Variants in CNTN6 observed in about 807,000 individuals in gnomAD.
CNTN6 encodes contactin-6.
Under a neutral mutation model 122.8 loss-of-function variants are expected in CNTN6, and 137 were observed. That is an observed-to-expected ratio of 1.12 (90% CI 0.97 to 1.29). The LOEUF is 1.29. Among genes scored for constraint, CNTN6 ranks in the 50% most tolerant of loss-of-function variants. The pLI, the probability that CNTN6 is intolerant of heterozygous loss-of-function variation, is 0.00. For missense variants in CNTN6, 1,634 were observed against 1,223.4 expected (o/e 1.34, Z -5.01); for synonymous variants, 570 against 426.0 (o/e 1.34, Z -4.16).
intron 20 of CNTN6, among the ~76,000 whole-genome samples, chr3:1,398,527 T>A (rs992769413): frequency 6.6e-6 from 1 of 152,194 alleles, no homozygotes; most frequent in Non-Finnish European, 1.5e-5. Context: ...AACTTCAGAG[T>A]TGGATTATTA....
intron 7 of CNTN6, among the ~76,000 whole-genome samples, chr3:1,306,271 T>C (rs1462486086): frequency 6.6e-6 from 1 of 152,172 alleles, no homozygotes; most frequent in Non-Finnish European, 1.5e-5. Context: ...TAATGGCTTT[T>C]TCTATAACAC....
intron 2 of CNTN6, among the ~76,000 whole-genome samples, chr3:1,184,174 G>A (rs1223371815): frequency 6.6e-6 from 1 of 152,232 alleles, no homozygotes; most frequent in Non-Finnish European, 1.5e-5. Flanking sequence ...TAAGGCACAG[G>A]TTCCACCTAC....
At chr3:1,167,380 G>A (rs1249940111) in intron 2 of CNTN6, among the ~76,000 whole-genome samples, 5 of 152,096 alleles carry the variant, frequency 3.3e-5, no homozygotes, top group Admixed American at 1.3e-4. Flanking sequence ...CCTAGATGAC[G>A]TATCTGAAAT....
intron 16 of CNTN6, among the ~76,000 whole-genome samples, chr3:1,375,857 T>G (rs985456239): frequency 1.3e-5 from 2 of 152,140 alleles, no homozygotes; most frequent in Non-Finnish European, 2.9e-5. Context: ...ATATGACTAT[T>G]TTCTGGTCAT....
chr3:1,278,306 T>C (rs139282068), intron 4 of CNTN6, 107 bp from the exon 5 acceptor site: 5 of 719,870 alleles, frequency 6.9e-6, no homozygotes, highest in Admixed American at 2.9e-5. Flanking sequence ...GTCAGCAAAG[T>C]ATGAGATTAA....
At chr3:1,272,415 G>C (rs2095041852) in intron 4 of CNTN6, among the ~76,000 whole-genome samples, 1 of 152,160 alleles carries the variant, frequency 6.6e-6, no homozygotes, top group Non-Finnish European at 1.5e-5. Flanking sequence ...AGGATTCAAT[G>C]AGTGTACTTA....
rs890305830 is a variant in CNTN6 at position 1,224,586 on chromosome 3, A to G, written c.183-3232A>G. ...TTAAAAATAAATAAAACTCAAAAAA[A>G]AAGAAACACATTCTTTCAGCAAATA... is the stretch of plus-strand genomic sequence containing the variant. On this transcript the variant is annotated intron_variant, in intron 3 of 22. Coordinates refer to ENST00000446702, the MANE Select transcript of CNTN6 (RefSeq NM_001289080.2). Among the ~76,000 whole-genome samples the G allele has an allele frequency of 8.1e-4, 123 of 152,312 alleles. 1 individual carries two copies. Among genetic ancestry groups the G allele is most frequent in the Non-Finnish European group, 9.6e-4 (65 of 68,034 alleles).
rs78102873 is a variant in CNTN6, at chr3:1,132,071, A to T, written c.-82-15856A>T. On this transcript the variant is annotated intron_variant, in intron 1 of 22. Transcript: ENST00000446702. Reference sequence around the variant, plus strand: ...TATATGTGCTTTTCTATATGCATTTAGTTTATTTATATGCGTACATCCTCT... The same window carrying T: ...TATATGTGCTTTTCTATATGCATTTTGTTTATTTATATGCGTACATCCTCT... Among the ~76,000 whole-genome samples the T allele has an allele frequency of 2.8e-4, 43 of 152,230 alleles. No homozygotes were observed. In the East Asian group the frequency reaches 8.3e-3, roughly 29 times the overall value.
intron 1 of CNTN6, among the ~76,000 whole-genome samples, chr3:1,122,344 G>A (rs1280733552): frequency 6.9e-6 from 1 of 145,964 alleles, no homozygotes; most frequent in Non-Finnish European, 1.5e-5. Context: ...GGGCGAGAGA[G>A]AGGGAAGGAG....
At chr3:1,122,102 C>T (rs1211324441) in intron 1 of CNTN6, among the ~76,000 whole-genome samples, 1 of 151,816 alleles carries the variant, frequency 6.6e-6, no homozygotes, top group Non-Finnish European at 1.5e-5. Flanking sequence ...AAATCAATTA[C>T]AGCAGTAAAA....
intron 7 of CNTN6, among the ~76,000 whole-genome samples, chr3:1,316,175 A>G (rs1275419322): frequency 6.6e-6 from 1 of 151,924 alleles, no homozygotes; most frequent in Non-Finnish European, 1.5e-5. Context: ...TACTATTACT[A>G]ATTACCATGC....
intron 4 of CNTN6, among the ~76,000 whole-genome samples, chr3:1,247,059 T>A (rs867692629): frequency 7.4e-4 from 113 of 152,192 alleles, no homozygotes; most frequent in African/African-American, 2.6e-3. Context: ...TTGAGATGTT[T>A]TTTGTAAAAA....
At chr3:1,275,336 G>T (rs966608799) in intron 4 of CNTN6, among the ~76,000 whole-genome samples, 1 of 152,044 alleles carries the variant, frequency 6.6e-6, no homozygotes, top group African/African-American at 2.4e-5. Context: ...TCCACTTCTC[G>T]ATTCATATTG....
At chr3:1,204,438 G>T (rs2125444518) in intron 2 of CNTN6, among the ~76,000 whole-genome samples, 1 of 152,260 alleles carries the variant, frequency 6.6e-6, no homozygotes, top group East Asian at 1.9e-4. Context: ...CTGCTTAGTT[G>T]GTCCCTCAGC....
chr3:1,159,867 C>A (rs2093082652), intron 2 of CNTN6, among the ~76,000 whole-genome samples: 2 of 151,978 alleles, frequency 1.3e-5, no homozygotes, highest in African/African-American at 2.4e-5. Context: ...GTCCCCCAGG[C>A]TGGAGTACAG....
rs1315592548 is a variant in CNTN6, at chr3:1,321,821, A to G, written c.933A>G (p.Gln311=). ...NLRGRNLAKG[Q]LIFYAPPEWE... is the part of the protein sequence containing the mutation. ...GAGGAAGAAACCTTGCAAAGGGTCA[A>G]CTCATTTTTTATGGTGAGCTAATTG... The change falls in exon 8 of 23, where the codon CAA becomes CAG. Residue 311 remains glutamine, a synonymous_variant. Transcript: ENST00000446702. 6.2e-7 allele frequency: 1 copy of G among 1,603,306 alleles called. No homozygotes were observed. Among genetic ancestry groups the G allele is most frequent in the South Asian group, 1.1e-5 (1 of 89,714 alleles).
chr3:1,207,103 AT>A (rs2093968273), intron 2 of CNTN6, among the ~76,000 whole-genome samples: 1 of 152,108 alleles, frequency 6.6e-6, no homozygotes, highest in African/African-American at 2.4e-5. Context: ...CACCTTAGAT[AT>A]TTCAGTAGAA....
intron 5 of CNTN6, among the ~76,000 whole-genome samples, chr3:1,281,831 G>A (rs960435579): frequency 4.6e-5 from 7 of 152,090 alleles, no homozygotes; most frequent in South Asian, 2.1e-4. Context: ...CAGGGAGTTC[G>A]GCAGCAAGGG....
intron 2 of CNTN6, among the ~76,000 whole-genome samples, chr3:1,171,051 G>T (rs1039524879): frequency 6.6e-6 from 1 of 152,166 alleles, no homozygotes; most frequent in Non-Finnish European, 1.5e-5. Flanking sequence ...TAGCAGCAAT[G>T]GCCAATGCCA....
Sources: gnomAD v4.1 joint callset for allele counts (sites outside exome capture counted in the v4.1 genomes callset) on GRCh38, gnomAD v4.1.1 for gene constraint, MANE v1.5 for transcripts, NCBI Gene and HGNC (gene_info 2026-07-23, HGNC 2026-07-21) for gene names.